SYMPK: variants seen among roughly 807,000 people sequenced by gnomAD.
SYMPK encodes symplekin scaffold protein.
A neutral mutation model predicts 136.4 loss-of-function variants in SYMPK; 49 were observed. The observed-to-expected ratio is 0.36, with a 90% CI of 0.29 to 0.46. The LOEUF (loss-of-function observed/expected upper bound fraction) is 0.46. Ranked by LOEUF, SYMPK falls within the 20% of genes least tolerant of loss-of-function variation. SYMPK has a pLI of 1.00. For synonymous variants in SYMPK, 766 were observed against 713.0 expected (o/e 1.07, Z -1.19); for missense variants, 1,365 against 1,690.0 (o/e 0.81, Z 3.37).
intron 8 of SYMPK, among the ~76,000 whole-genome samples, chr19:45,843,344 C>T (rs1379428165): frequency 6.6e-6 from 1 of 152,100 alleles, no homozygotes; most frequent in Non-Finnish European, 1.5e-5. Context: ...ATTCATACCC[C>T]AACCCCAGAC....
chr19:45,837,210 G>A (rs1971322293), intron 10 of SYMPK, among the ~76,000 whole-genome samples: 1 of 152,102 alleles, frequency 6.6e-6, no homozygotes. Context: ...ACAGAAAAGG[G>A]GCACATTACA....
rs1326891344 is a variant in SYMPK, at chr19:45,847,842, G to A, written c.586C>T (p.Pro196Ser). The A allele has an allele frequency of 6.2e-7, 1 of 1,614,068 alleles. No homozygotes were observed. Among genetic ancestry groups the A allele is most frequent in the Non-Finnish European group, 8.5e-7 (1 of 1,180,016 alleles). ...GGTATCTCTGAGTCAGCCATGCGGG[G>A]TGACAGGGTGACAATGAGGCCCTCC... ...FVEGLIVTLSPRMADSEIPRR... is the reference protein window; with the variant it reads ...FVEGLIVTLSSRMADSEIPRR... Residue 196 changes from proline (P) to serine (S), a missense_variant, in exon 7 of 27, where the codon CCC becomes TCC. Transcript: ENST00000245934.
intron 21 of SYMPK, among the ~76,000 whole-genome samples, chr19:45,822,263 C>T (rs946380222): frequency 1.2e-4 from 19 of 152,108 alleles, no homozygotes; most frequent in South Asian, 6.2e-4. Flanking sequence ...GGACTACAGG[C>T]GCCCGCCACC....
chr19:45,860,131 A>G (rs1007339036), intron 1 of SYMPK, among the ~76,000 whole-genome samples: 1 of 111,686 alleles, frequency 9.0e-6, no homozygotes, highest in Non-Finnish European at 2.0e-5. Context: ...CCTGTTTCCA[A>G]AAAAAAAAAA....
chr19:45,826,045 AC>A (rs1005629788), intron 17 of SYMPK, among the ~76,000 whole-genome samples, 180 bp downstream of exon 17: 1 of 151,018 alleles, frequency 6.6e-6, no homozygotes, highest in African/African-American at 2.4e-5. Context: ...TCTCTCCCTG[AC>A]CCCCCAGGCT....
chr19:45,816,130 C>G lies in SYMPK; in HGVS notation c.3408G>C (p.Gln1136His). 1.3e-6 allele frequency: 2 copies of G among 1,551,070 alleles called. No individual in the cohort carries two copies. The highest frequency in any genetic ancestry group is 1.7e-6 in the Non-Finnish European group (2 of 1,145,752). The change falls in exon 26 of 27, where the codon CAG (glutamine) becomes CAC (histidine). Residue 1136 changes from glutamine (Q) to histidine (H), a missense_variant. Physicochemically the swap from Gln to His is conservative, Grantham distance 24. This residue lies in a region of SYMPK where 341 missense variants were observed against 270.5 expected (regional missense o/e 1.26). Coordinates refer to ENST00000245934, the MANE Select transcript of SYMPK (RefSeq NM_004819.3). ...GGGCCAGTCGCAGGCCGATGAGGTCCTGAGGGGGCCGGGGTGCTGGGGCCG... is the reference window on the plus strand; with the variant it reads ...GGGCCAGTCGCAGGCCGATGAGGTCGTGAGGGGGCCGGGGTGCTGGGGCCG... ...LAPAPAPRPP[Q>H]DLIGLRLAQE... is the part of the protein sequence containing the mutation.
chr19:45,837,323 CA>C (rs1231769438), intron 10 of SYMPK, among the ~76,000 whole-genome samples: 3 of 150,968 alleles, frequency 2.0e-5, no homozygotes, highest in African/African-American at 7.3e-5. Context: ...TGTGATAAGA[CA>C]AAAGGTAGAA....
intron 15 of SYMPK, 30 bp downstream of exon 15, chr19:45,827,807 C>T (rs370891141): frequency 8.1e-6 from 13 of 1,605,990 alleles, no homozygotes; most frequent in South Asian, 1.1e-5. Flanking sequence ...TCCCCTGCCC[C>T]GGGCTGCACT....
chr19:45,849,438 G>GA (rs997103252), intron 5 of SYMPK, among the ~76,000 whole-genome samples: 39 of 152,248 alleles, frequency 2.6e-4, no homozygotes, highest in African/African-American at 8.9e-4. Context: ...AGAAAAAAAT[G>GA]AAGGGCCTCC....
chr19:45,848,638 C>T (rs773464478), intron 6 of SYMPK, 112 bp downstream of exon 6: 11 of 1,438,346 alleles, frequency 7.6e-6, no homozygotes, highest in Non-Finnish European at 1.1e-5. Context: ...AGACCAGTGG[C>T]ACATCTTGCC....
intron 11 of SYMPK, among the ~76,000 whole-genome samples, chr19:45,833,620 T>A (rs1332796967): frequency 6.6e-6 from 1 of 151,738 alleles, no homozygotes; most frequent in Non-Finnish European, 1.5e-5. Flanking sequence ...AAATAAAAAA[T>A]AAAAAAATAA....
At chr19:45,837,176 G>A (rs759580091) in intron 10 of SYMPK, among the ~76,000 whole-genome samples, 17 of 152,182 alleles carry the variant, frequency 1.1e-4, no homozygotes, top group Non-Finnish European at 2.5e-4. Flanking sequence ...CAAATATTTT[G>A]CAAGATTGGA....
rs1401239045 is a variant in SYMPK at position 45,821,766 on chromosome 19, ACCC to A, written c.2792-284_2792-282del. ...GGGTCTCTCTGCCCCTGGGCTGTGC[ACCC>A]CCGAGGGCAGGGTAGGACCACCTCC... On this transcript the variant is annotated intron_variant, in intron 21 of 26. Coordinates refer to ENST00000245934, the MANE Select transcript of SYMPK (RefSeq NM_004819.3). The surrounding 1 kb of genome is among the most constrained non-coding windows in gnomAD (Gnocchi z 4.4). Among the ~76,000 whole-genome samples the A allele has an allele frequency of 3.3e-5, 5 of 152,062 alleles. No homozygotes were observed.
intron 13 of SYMPK, among the ~76,000 whole-genome samples, chr19:45,829,530 A>C (rs1160554109): frequency 6.6e-6 from 1 of 152,116 alleles, no homozygotes; most frequent in East Asian, 1.9e-4. Context: ...GATGGGGTGC[A>C]GGTGATGGCC....
chr19:45,859,880 C>T (rs965716109), intron 1 of SYMPK, among the ~76,000 whole-genome samples: 3 of 138,780 alleles, frequency 2.2e-5, no homozygotes, highest in African/African-American at 8.2e-5. Flanking sequence ...CATCTCTAGA[C>T]ATATGCACAA....
intron 8 of SYMPK, chr19:45,842,696 G>C: frequency 9.8e-6 from 6 of 610,356 alleles, no homozygotes; most frequent in Middle Eastern, 4.4e-4. Context: ...CAATCTTAAA[G>C]AGAAAAACTC....
chr19:45,831,542 C>CTTCTT lies in SYMPK; in HGVS notation c.1439_1440insAAGAA (p.Val481ArgfsTer4). ...TCAGGACGCTCTCTGTCTTCACCAC[C>CTTCTT]TTCTCCTCCTTGGGCTCCTCCTTGC... is the stretch of plus-strand genomic sequence containing the variant. On this transcript the variant is annotated frameshift_variant, in exon 12 of 27. Coordinates refer to ENST00000245934, the MANE Select transcript of SYMPK (RefSeq NM_004819.3). LOFTEE classifies it high-confidence loss of function. 2 of 1,611,690 alleles carry CTTCTT rather than the reference C, an allele frequency of 1.2e-6. No homozygotes were observed. Among genetic ancestry groups the CTTCTT allele is most frequent in the Non-Finnish European group, 1.7e-6 (2 of 1,179,084 alleles).
chr19:45,857,636 C>T (rs1417898127), intron 1 of SYMPK, among the ~76,000 whole-genome samples: 20 of 150,282 alleles, frequency 1.3e-4, no homozygotes, highest in Middle Eastern at 3.5e-3. Context: ...GGACTACAGG[C>T]GCCTGCCACC....
intron 1 of SYMPK, among the ~76,000 whole-genome samples, chr19:45,860,600 G>C (rs965855459): frequency 6.6e-6 from 1 of 152,122 alleles, no homozygotes; most frequent in Non-Finnish European, 1.5e-5. Flanking sequence ...AGGTTTAAAT[G>C]AATTAATATG....
Sources: gnomAD v4.1 joint callset for allele counts (sites outside exome capture counted in the v4.1 genomes callset) on GRCh38, gnomAD v4.1.1 for gene constraint, gnomAD v4.1.1 regional missense constraint, Gnocchi (gnomAD v3.1) non-coding constraint, MANE v1.5 for transcripts, NCBI Gene and HGNC (gene_info 2026-07-23, HGNC 2026-07-21) for gene names.